The following ATP10D variants were observed in gnomAD, a reference collection of about 807,000 sequenced individuals.
ATP10D encodes the protein phospholipid-transporting ATPase VD.
In ATP10D, 89 loss-of-function variants were observed where a neutral mutation model predicts 144.8. That is an observed-to-expected ratio of 0.61 (90% CI 0.52 to 0.73). The LOEUF (loss-of-function observed/expected upper bound fraction) is 0.73. Ranked by LOEUF, ATP10D falls within the 30% of genes least tolerant of loss-of-function variation. The pLI, the probability that ATP10D is intolerant of heterozygous loss-of-function variation, is 0.00. For missense variants in ATP10D, 1,603 were observed against 1,714.8 expected, an observed-to-expected ratio of 0.93 and a Z score of 1.15; for synonymous variants, 571 against 615.1, an observed-to-expected ratio of 0.93 and a Z score of 1.06.
chr4:47,519,099 C>T (rs954663658), intron 3 of ATP10D, among the ~76,000 whole-genome samples: 4 of 152,108 alleles, frequency 2.6e-5, no homozygotes, highest in African/African-American at 9.7e-5. Flanking sequence ...ATAAATAATT[C>T]AGTGTTTTAT....
intron 1 of ATP10D, among the ~76,000 whole-genome samples, chr4:47,507,603 G>A (rs1716088040): frequency 6.6e-6 from 1 of 152,174 alleles, no homozygotes; most frequent in Non-Finnish European, 1.5e-5. Context: ...AAAAGGAAAT[G>A]GGATGTCTTT....
chr4:47,518,292 G>T lies in ATP10D; in HGVS notation c.485+2622G>T, dbSNP rs1429994996. ...ATTTTCTATAGAAAAGTATCATTTG[G>T]AATAACAAACACTAGTCTAGAAATT... On this transcript the variant is annotated intron_variant, in intron 3 of 22. Transcript: ENST00000273859. Among the ~76,000 whole-genome samples, 5 of 152,040 alleles carry T rather than the reference G, an allele frequency of 3.3e-5. No individual in the cohort carries two copies. In the East Asian group the frequency reaches 9.6e-4, roughly 29 times the overall value.
intron 18 of ATP10D, among the ~76,000 whole-genome samples, chr4:47,575,586 A>G (rs896503374): frequency 2.6e-5 from 4 of 151,852 alleles, no homozygotes; most frequent in Non-Finnish European, 5.9e-5. Context: ...TGCTGTGCCT[A>G]CTCCATGTCT....
At chr4:47,563,317 C>T (rs1287104257) in intron 14 of ATP10D, among the ~76,000 whole-genome samples, 1 of 152,174 alleles carries the variant, frequency 6.6e-6, no homozygotes, top group Non-Finnish European at 1.5e-5. Context: ...CAAATCCCTT[C>T]AATTTACAGA....
intron 22 of ATP10D, 57 bp from the exon 23 acceptor site, chr4:47,590,985 G>GGC: frequency 2.5e-6 from 3 of 1,203,524 alleles, no homozygotes; most frequent in East Asian, 5.2e-5. Flanking sequence ...TTGGGGGGGG[G>GGC]GGTTCTGTAA....
chr4:47,559,493 C>G (rs1410170796), intron 13 of ATP10D, among the ~76,000 whole-genome samples: 1 of 152,124 alleles, frequency 6.6e-6, no homozygotes, highest in East Asian at 1.9e-4. Flanking sequence ...GGTAAATATC[C>G]TAGATATTAT....
intron 1 of ATP10D, among the ~76,000 whole-genome samples, chr4:47,501,310 G>C (rs1328842995): frequency 2.0e-5 from 3 of 152,150 alleles, no homozygotes; most frequent in Non-Finnish European, 4.4e-5. Context: ...TTGAATTATA[G>C]TTCAAACACA....
intron 2 of ATP10D, among the ~76,000 whole-genome samples, chr4:47,513,749 A>C (rs948639057): frequency 6.6e-6 from 1 of 152,234 alleles, no homozygotes; most frequent in Non-Finnish European, 1.5e-5. Flanking sequence ...AGGTCTTGCT[A>C]TCAGGATAAA....
chr4:47,525,390 G>T (rs1717188024), intron 4 of ATP10D, among the ~76,000 whole-genome samples, 167 bp from the exon 5 acceptor site: 1 of 152,024 alleles, frequency 6.6e-6, no homozygotes, highest in Non-Finnish European at 1.5e-5. Context: ...CCCAAATATG[G>T]ATCACATGAT....
At chr4:47,547,090 G>GAA (rs5858078) in intron 10 of ATP10D, 1,834 of 452,548 alleles carry the variant, frequency 4.1e-3, no homozygotes, top group South Asian at 7.4e-3. Context: ...TACCATTTCT[G>GAA]AAAAAAAAAA....
At chr4:47,563,819 ATT>A in intron 15 of ATP10D, 54 bp downstream of exon 15, 1 of 1,419,108 alleles carries the variant, frequency 7.0e-7, no homozygotes. Flanking sequence ...GCATTGGAAC[ATT>A]TGAGATTTGA....
intron 1 of ATP10D, among the ~76,000 whole-genome samples, 166 bp from the exon 2 acceptor site, chr4:47,512,338 T>C (rs75560862): frequency 0.031 from 4,681 of 152,320 alleles, 97 homozygotes; most frequent in Non-Finnish European, 0.046. Flanking sequence ...AGAAGATGTA[T>C]GCTTTATTTG....
intron 21 of ATP10D, among the ~76,000 whole-genome samples, chr4:47,584,537 C>T (rs1261707160): frequency 4.6e-5 from 7 of 151,974 alleles, no homozygotes; most frequent in Admixed American, 6.6e-5. Context: ...GGACTACAGG[C>T]GCCCACCACC....
chr4:47,563,815 G>T (rs368905700), intron 15 of ATP10D, 50 bp downstream of exon 15: 5 of 1,424,136 alleles, frequency 3.5e-6, no homozygotes, highest in East Asian at 4.8e-5. Context: ...AAAGGCATTG[G>T]AACATTTGAG....
intron 20 of ATP10D, 34 bp downstream of exon 20, chr4:47,580,512 A>G: frequency 1.3e-6 from 2 of 1,550,568 alleles, no homozygotes; most frequent in South Asian, 2.2e-5. Flanking sequence ...ATTTGTTATT[A>G]ATGAATCAAT....
At chr4:47,516,222 C>T (rs62297974) in intron 3 of ATP10D, among the ~76,000 whole-genome samples, 27,009 of 148,784 alleles carry the variant, frequency 0.18, 3,076 homozygotes, top group East Asian at 0.61. Flanking sequence ...CCATCCTGGG[C>T]GACAGAGTGA....
chr4:47,555,806 C>T (rs957200195), intron 11 of ATP10D, among the ~76,000 whole-genome samples: 8 of 151,454 alleles, frequency 5.3e-5, no homozygotes, highest in African/African-American at 1.5e-4. Flanking sequence ...CAGGCTGGAG[C>T]GCAGTGGCGT....
chr4:47,511,902 A>G (rs927547120), intron 1 of ATP10D, among the ~76,000 whole-genome samples: 4 of 152,218 alleles, frequency 2.6e-5, no homozygotes, highest in Non-Finnish European at 4.4e-5. Flanking sequence ...CCAGTGAACA[A>G]GCACTTTTCA....
chr4:47,490,650 C>T (rs999129620), intron 1 of ATP10D, among the ~76,000 whole-genome samples: 23 of 152,154 alleles, frequency 1.5e-4, no homozygotes, highest in African/African-American at 5.1e-4. Context: ...GGATTGGTAA[C>T]GGGCAGAGGA....
Sources: gnomAD v4.1 joint callset for allele counts (sites outside exome capture counted in the v4.1 genomes callset) on GRCh38, gnomAD v4.1.1 for gene constraint, MANE v1.5 for transcripts, NCBI Gene and HGNC (gene_info 2026-07-23, HGNC 2026-07-21) for gene names.